The following PHYKPL variants were observed in gnomAD, a reference collection of about 807,000 sequenced individuals.
The protein encoded by PHYKPL is 5-phosphohydroxy-L-lysine phospho-lyase.
PHYKPL carries 42 observed loss-of-function variants against 51.3 expected under a neutral mutation model. The observed-to-expected ratio is 0.82, with a 90% confidence interval of 0.64 to 1.06. PHYKPL has a LOEUF of 1.06. Among genes scored for constraint, PHYKPL ranks in the 50% least tolerant of loss-of-function variants. PHYKPL has a pLI of 0.00. For synonymous variants in PHYKPL, 264 were observed against 236.0 expected, an observed-to-expected ratio of 1.12 and a Z score of -1.09; for missense variants, 655 against 586.6, an observed-to-expected ratio of 1.12 and a Z score of -1.20.
intron 10 of PHYKPL, 69 bp from the exon 11 acceptor site, chr5:178,213,172 C>A (rs577028084): frequency 5.8e-5 from 92 of 1,582,700 alleles, no homozygotes; most frequent in Admixed American, 2.6e-4. Flanking sequence ...GCCTCATGTC[C>A]AGTGCTCCAG....
At chr5:178,224,120 G>A (rs775761611) in intron 6 of PHYKPL, among the ~76,000 whole-genome samples, 11 of 152,146 alleles carry the variant, frequency 7.2e-5, no homozygotes, top group Non-Finnish European at 1.3e-4. Context: ...ACATTCACAC[G>A]GTTCCTCAGC....
chr5:178,210,814 T>G (rs1226583547), intron 12 of PHYKPL: 1 of 610,030 alleles, frequency 1.6e-6, no homozygotes. Context: ...AGGCAGCGTG[T>G]GGTGTCTGAG....
chr5:178,223,121 A>G (rs1246089850), intron 6 of PHYKPL, among the ~76,000 whole-genome samples, 187 bp from the exon 7 acceptor site: 2 of 152,150 alleles, frequency 1.3e-5, no homozygotes, highest in African/African-American at 2.4e-5. Context: ...GCCAACTCTT[A>G]CTACCTGGAT....
At position 178,224,720 on chromosome 5, in the gene PHYKPL, G is replaced by T; in HGVS notation, c.423C>A (p.His141Gln). ...TGTCAATCAGGGAGCTCAGGTGGCC[G>T]TGATACGCACTGGGGAGGAGAAGGG... The part of the protein sequence containing the change: ...QDVVVLDHAY[H>Q]GHLSSLIDIS... The change falls in exon 5 of 13, where the codon CAC becomes CAA. Residue 141 changes from histidine (H) to glutamine (Q), a missense_variant. By Grantham distance (24) the His-to-Gln change is conservative. Coordinates refer to ENST00000308158, the MANE Select transcript of PHYKPL (RefSeq NM_153373.4). 1 of 1,613,732 alleles carries T rather than the reference G, an allele frequency of 6.2e-7. No homozygotes were observed. Among genetic ancestry groups the T allele is most frequent in the Non-Finnish European group, 8.5e-7 (1 of 1,179,708 alleles).
At chr5:178,232,162 G>A (rs888939422) in intron 1 of PHYKPL, 16 of 1,214,306 alleles carry the variant, frequency 1.3e-5, no homozygotes, top group Non-Finnish European at 1.6e-5. Context: ...TCAGGCGCCA[G>A]GGTGAAGGTC....
intron 3 of PHYKPL, among the ~76,000 whole-genome samples, chr5:178,227,388 A>T (rs1454829330): frequency 6.6e-6 from 1 of 152,168 alleles, no homozygotes; most frequent in Non-Finnish European, 1.5e-5. Context: ...TGTTTAAGCC[A>T]CTCAGTCTCT....
chr5:178,209,709 CTT>C (rs1757596955), intron 12 of PHYKPL, among the ~76,000 whole-genome samples: 1 of 151,992 alleles, frequency 6.6e-6, no homozygotes, highest in Admixed American at 6.5e-5. Flanking sequence ...TGATGGGTGT[CTT>C]GGCTTTGTGG....
At chr5:178,222,745 C>A in intron 7 of PHYKPL, 107 bp downstream of exon 7, 1 of 1,410,356 alleles carries the variant, frequency 7.1e-7, no homozygotes, top group Non-Finnish European at 9.8e-7. Flanking sequence ...GGCTTTGTCT[C>A]AAAATTCTGG....
At chr5:178,229,262 C>T (rs1018525316) in intron 3 of PHYKPL, among the ~76,000 whole-genome samples, 1 of 152,100 alleles carries the variant, frequency 6.6e-6, no homozygotes, top group African/African-American at 2.4e-5. Context: ...CCCACCACCA[C>T]GCCCAGCTAA....
chr5:178,230,412 T>C (rs1413607370), intron 2 of PHYKPL: 1 of 292,424 alleles, frequency 3.4e-6, no homozygotes, highest in African/African-American at 2.2e-5. Flanking sequence ...CTGGAGTGTA[T>C]GGTGTGATCA....
chr5:178,210,959 A>AACC lies in PHYKPL; in HGVS notation c.*31+928_*31+930dup, dbSNP rs1227941952. 17 of 300,404 alleles carry AACC rather than the reference A, an allele frequency of 5.7e-5. No individual in the cohort carries two copies. In the Admixed American group the frequency reaches 7.1e-4, roughly 13 times the overall value. 18.6% of individuals were successfully genotyped at this position (300,404 alleles called of 1,614,324 possible). A position where few individuals can be genotyped will look rare whatever the true frequency, so the allele number is the denominator to read the frequency against. On this transcript the variant is annotated intron_variant, in intron 12 of 12. Coordinates refer to ENST00000308158, the MANE Select transcript of PHYKPL (RefSeq NM_153373.4). ...GTAAAGAGTAAATTGTATCTTAGGAAACCAGTGTCACCTTTTTTTCACCTT... is the reference window on the plus strand; with the variant it reads ...GTAAAGAGTAAATTGTATCTTAGGAAACCACCAGTGTCACCTTTTTTTCACCTT...
intron 8 of PHYKPL, 95 bp downstream of exon 8, chr5:178,222,260 T>G (rs992389579): frequency 3.6e-6 from 4 of 1,105,584 alleles, no homozygotes; most frequent in Admixed American, 2.4e-5. Context: ...CTGGGCACAG[T>G]GCTAGCCCTG....
At chr5:178,218,216 CAAAAAAAAAAA>C (rs777929826) in intron 8 of PHYKPL, among the ~76,000 whole-genome samples, 1 of 58,282 alleles carries the variant, frequency 1.7e-5, no homozygotes, top group Non-Finnish European at 3.0e-5. Flanking sequence ...AACTCCGTCT[CAAAAAAAAAAA>C]AAAAAAAAAA....
In PHYKPL at chr5:178,222,831, AG is replaced by A; in HGVS notation, c.701+20del. The A allele has an allele frequency of 6.2e-7, 1 of 1,613,526 alleles. No homozygotes were observed. Among genetic ancestry groups the A allele is most frequent in the South Asian group, 1.1e-5 (1 of 90,992 alleles). On this transcript the variant is annotated intron_variant, in intron 7 of 12. Transcript: ENST00000308158. ...ATTAGACCCCTGCCCTCCCTAGAGC[AG>A]ACCCCGCCCACCTACTCACTCTGCC...
chr5:178,224,288 T>C, intron 6 of PHYKPL, 160 bp downstream of exon 6: 1 of 793,278 alleles, frequency 1.3e-6, no homozygotes, highest in South Asian at 1.9e-5. Context: ...GGCCGTGCAC[T>C]CAGACTCTCT....
chr5:178,209,079 AC>A (rs1033175014), intron 12 of PHYKPL, among the ~76,000 whole-genome samples, 164 bp from the exon 13 acceptor site: 1 of 152,178 alleles, frequency 6.6e-6, no homozygotes, highest in African/African-American at 2.4e-5. Flanking sequence ...TCCATTAGAT[AC>A]GGAGTTGCTC....
chr5:178,231,320 T>G, intron 2 of PHYKPL, 85 bp downstream of exon 2: 1 of 1,603,410 alleles, frequency 6.2e-7, no homozygotes, highest in Non-Finnish European at 8.5e-7. Context: ...TCTCCACACC[T>G]CTCGGCAATC....
chr5:178,217,328 C>A (rs75647366), intron 8 of PHYKPL, among the ~76,000 whole-genome samples: 11,376 of 151,120 alleles, frequency 0.075, 597 homozygotes, highest in Non-Finnish European at 0.11. Context: ...TCAGGCGATT[C>A]TGGTGCTTCA....
intron 10 of PHYKPL, among the ~76,000 whole-genome samples, chr5:178,214,125 G>A (rs942339454): frequency 7.9e-5 from 12 of 152,158 alleles, no homozygotes; most frequent in Admixed American, 4.6e-4. Context: ...AATACCACGC[G>A]TGTCTCACAA....
Sources: allele counts gnomAD v4.1 joint callset (sites outside exome capture counted in the v4.1 genomes callset), GRCh38; gene constraint gnomAD v4.1.1; transcripts MANE v1.5; gene names NCBI Gene and HGNC (gene_info 2026-07-23, HGNC 2026-07-21).